INSRR: variants seen among roughly 807,000 people sequenced by gnomAD.
INSRR encodes insulin receptor related receptor.
Under a neutral mutation model 130.0 loss-of-function variants are expected in INSRR, and 114 were observed. The observed-to-expected ratio is 0.88, with a 90% CI of 0.75 to 1.02. The LOEUF (loss-of-function observed/expected upper bound fraction) is 1.02. Among genes scored for constraint, INSRR ranks in the 50% least tolerant of loss-of-function variants. INSRR has a pLI of 0.00. For synonymous variants in INSRR, 674 were observed against 705.2 expected (o/e 0.96, Z 0.70); for missense variants, 1,657 against 1,735.2 (o/e 0.95, Z 0.80).
rs545266717 is a variant in INSRR at position 156,844,971 on chromosome 1, A to G, written c.2437+105T>C. The G allele has an allele frequency of 8.4e-6, 13 of 1,539,678 alleles. No homozygotes were observed. The East Asian group carries it at 2.5e-4, about 30-fold the overall frequency. On this transcript the variant is annotated intron_variant, in intron 12 of 21. Coordinates refer to ENST00000368195, the MANE Select transcript of INSRR (RefSeq NM_014215.3). ...GGGATTATGGGAACTGAGAGGGGCA[A>G]GCAAAGCGAGGCTCTGGGGTTAGCG...
chr1:156,846,751 G>T lies in INSRR; in HGVS notation c.1578C>A (p.Phe526Leu). 6.2e-7 allele frequency: 1 copy of T among 1,613,348 alleles called. No individual in the cohort carries two copies. The highest frequency in any genetic ancestry group is 8.5e-7 in the Non-Finnish European group (1 of 1,179,454). ...GACCCACGTGCTCTGTGGCGTTCTG[G>T]AATGGGCTGAACACCCATCCCCAGA... ...SFIVYYKESP[F>L]QNATEHVGPD... Residue 526 changes from phenylalanine (F) to leucine (L), a missense_variant, in exon 8 of 22, where the codon TTC (phenylalanine) becomes TTA (leucine). Transcript: ENST00000368195.
intron 21 of INSRR, 56 bp from the exon 22 acceptor site, chr1:156,841,160 A>G: frequency 7.4e-7 from 1 of 1,350,286 alleles, no homozygotes; most frequent in Non-Finnish European, 1.0e-6. Flanking sequence ...CCACGCTCTC[A>G]GCCTCCTGCA....
chr1:156,844,304 G>C, intron 14 of INSRR, 24 bp from the exon 15 acceptor site: 1 of 1,595,860 alleles, frequency 6.3e-7, no homozygotes, highest in Non-Finnish European at 8.6e-7. Flanking sequence ...GGCAGCAGAG[G>C]GTAGAGTCAA....
chr1:156,846,819 C>T (rs1257338203), intron 7 of INSRR, 62 bp from the exon 8 acceptor site: 18 of 1,309,348 alleles, frequency 1.4e-5, no homozygotes, highest in Admixed American at 3.4e-5. Context: ...CTGGCACCCC[C>T]GCTCTGAATC....
rs1655243002 is a variant in INSRR at position 156,852,253 on chromosome 1, A to C, written c.638-62T>G. 3 of 1,475,188 alleles carry C rather than the reference A, an allele frequency of 2.0e-6. No individual in the cohort carries two copies. In the African/African-American group the frequency reaches 4.2e-5, roughly 21 times the overall value. 91.4% of individuals were successfully genotyped at this position (1,475,188 alleles called of 1,614,324 possible). A position where few individuals can be genotyped will look rare whatever the true frequency, so the allele number is the denominator to read the frequency against. On this transcript the variant is annotated intron_variant, in intron 2 of 21. Coordinates refer to ENST00000368195, the MANE Select transcript of INSRR (RefSeq NM_014215.3). ...CCCCTCAGTCCTGGCTGTCCTTCCA[A>C]TGCTGGCCCCACCCTGTTTCTCTTG... is the stretch of plus-strand genomic sequence containing the variant.
rs1260664154 is a variant in INSRR at position 156,851,279 on chromosome 1, C to T, written c.1229+11G>A. The T allele has an allele frequency of 6.2e-7, 1 of 1,614,116 alleles. No homozygotes were observed. Among genetic ancestry groups the T allele is most frequent in the South Asian group, 1.1e-5 (1 of 91,066 alleles). The stretch of plus-strand genomic sequence containing the variant: ...GTAATAGAAGGAGCTGGTCAGAGGC[C>T]TAACCCTTACCCATCCACCATGGCG... On this transcript the variant is annotated intron_variant, in intron 5 of 21. Coordinates refer to ENST00000368195, the MANE Select transcript of INSRR (RefSeq NM_014215.3).
intron 21 of INSRR, 102 bp downstream of exon 21, chr1:156,841,292 G>T: frequency 1.7e-6 from 2 of 1,183,720 alleles, no homozygotes; most frequent in South Asian, 1.3e-5. Context: ...GAGGGTCAGT[G>T]GATGTCAAAG....
rs757800663 is a variant in INSRR at position 156,843,248 on chromosome 1, A to AG, written c.2897-16dup. The AG allele has an allele frequency of 3.8e-5, 61 of 1,610,810 alleles. No individual in the cohort carries two copies. Among genetic ancestry groups the AG allele is most frequent in the Admixed American group, 1.7e-4 (10 of 60,006 alleles). ...AGGGACATACACTGCAAGGAGGTGG[A>AG]GGGTCACAAAGCGAGGATGCTGCTC... On this transcript the variant is annotated splice_polypyrimidine_tract_variant and intron_variant, in intron 16 of 21. Transcript: ENST00000368195.
rs1655011108 is a variant in INSRR at position 156,846,447 on chromosome 1, T to G, written c.1810+72A>C. The G allele has an allele frequency of 4.0e-6, 5 of 1,261,664 alleles. No individual in the cohort carries two copies. The South Asian group carries it at 6.3e-5, about 16-fold the overall frequency. 78.2% of individuals were successfully genotyped at this position (1,261,664 alleles called of 1,614,324 possible). ...TGTTCAGTGCCCCGGCTTCTCTATT[T>G]CTGGTGCCTGTGCTCCCCTGTTCTC... On this transcript the variant is annotated intron_variant, in intron 8 of 21. Coordinates refer to ENST00000368195, the MANE Select transcript of INSRR (RefSeq NM_014215.3).
rs1415249394 is a variant in INSRR at position 156,846,707 on chromosome 1, T to G, written c.1622A>C (p.Gln541Pro). 1.9e-6 allele frequency: 3 copies of G among 1,614,156 alleles called. No homozygotes were observed. Among genetic ancestry groups the G allele is most frequent in the Non-Finnish European group, 2.5e-6 (3 of 1,180,036 alleles). ...CTCCACATCCAGCAGGTTCCAGCTC[T>G]GGGTTCCACAAGCATCTGGACCCAC... ...EHVGPDACGTQSWNLLDVELP... is the reference protein window; with the variant it reads ...EHVGPDACGTPSWNLLDVELP... Residue 541 changes from glutamine (Q) to proline (P), a missense_variant, in exon 8 of 22, where the codon CAG becomes CCG. Transcript: ENST00000368195.
intron 1 of INSRR, among the ~76,000 whole-genome samples, chr1:156,857,163 ATGTGTGTGTGTGTGTGTGTGTGTGTG>A (rs57324546): frequency 0.079 from 10,258 of 130,670 alleles, 396 homozygotes; most frequent in Admixed American, 0.11. Flanking sequence ...GCAGCTGTGT[ATGTGTGTGTGTGTGTGTGTGTGTGTG>A]TGTGTGTGTG....
chr1:156,842,276 A>G lies in INSRR; in HGVS notation c.3238-5T>C, dbSNP rs545349562. 9 of 1,613,754 alleles carry G rather than the reference A, an allele frequency of 5.6e-6. No individual in the cohort carries two copies. The highest frequency in any genetic ancestry group is 1.6e-4 in the Middle Eastern group (1 of 6,062). On this transcript the variant is annotated splice_region_variant and splice_polypyrimidine_tract_variant and intron_variant, in intron 18 of 21. Transcript: ENST00000368195. ...CTGTGGGAGCCCAGGGTTGTTCTAGAGCCAAGATTGGGGGCTGGTGAGGAA... is the reference window on the plus strand; with the variant it reads ...CTGTGGGAGCCCAGGGTTGTTCTAGGGCCAAGATTGGGGGCTGGTGAGGAA...
intron 1 of INSRR, among the ~76,000 whole-genome samples, chr1:156,855,483 G>A (rs1321908509): frequency 6.6e-6 from 1 of 152,068 alleles, no homozygotes; most frequent in Non-Finnish European, 1.5e-5. Flanking sequence ...GGGATTACAG[G>A]CGTGAACCAC....
intron 4 of INSRR, 43 bp from the exon 5 acceptor site, chr1:156,851,477 G>A: frequency 1.2e-6 from 2 of 1,612,924 alleles, no homozygotes; most frequent in Non-Finnish European, 1.7e-6. Context: ...CAAGGAAGGT[G>A]ATGGGTCTGT....
chr1:156,848,399 A>C (rs1655084695), intron 7 of INSRR, among the ~76,000 whole-genome samples: 1 of 152,186 alleles, frequency 6.6e-6, no homozygotes, highest in African/African-American at 2.4e-5. Flanking sequence ...TTGATTCCTA[A>C]CCGTGTTTTT....
At chr1:156,843,607 G>T in intron 15 of INSRR, 128 bp from the exon 16 acceptor site, 1 of 972,576 alleles carries the variant, frequency 1.0e-6, no homozygotes, top group South Asian at 1.4e-5. Context: ...CTTGGTCAGG[G>T]TGACTCCTGG....
At position 156,843,202 on chromosome 1, in the gene INSRR, C is replaced by T. The variant is rs767792087; in HGVS notation, c.2928G>A (p.Arg976=). ...MYVPDEWEVP[R]EQISIIRELG... ...GTTCCCGGATTATCGAGATCTGCTC[C>T]CGAGGCACCTCCCATTCATCAGGGA... The change falls in exon 17 of 22, where the codon CGG becomes CGA. Residue 976 remains arginine (R), a synonymous_variant. Coordinates refer to ENST00000368195, the MANE Select transcript of INSRR (RefSeq NM_014215.3). 6.2e-7 allele frequency: 1 copy of T among 1,614,096 alleles called. No individual in the cohort carries two copies. Among genetic ancestry groups the T allele is most frequent in the South Asian group, 1.1e-5 (1 of 91,070 alleles).
chr1:156,845,776 C>A lies in INSRR; in HGVS notation c.2017G>T (p.Asp673Tyr), dbSNP rs548347934. 3.9e-4 allele frequency: 635 copies of A among 1,613,240 alleles called. 4 individuals are homozygous for A. In the South Asian group the frequency reaches 6.8e-3, roughly 17 times the overall value. The change falls in exon 10 of 22, where the codon GAC (aspartate) becomes TAC (tyrosine). Residue 673 changes from aspartate (D) to tyrosine (Y), a missense_variant. Coordinates refer to ENST00000368195, the MANE Select transcript of INSRR (RefSeq NM_014215.3). ...LPTSNNDPRF[D>Y]GEDGDPEAEM... is the part of the protein sequence containing the mutation. ...GCCTCAGGATCCCCGTCTTCGCCGT[C>A]GAAGCGCGGATCGTTGTTGCTGGTG...
chr1:156,849,262 G>T lies in INSRR; in HGVS notation c.1428C>A (p.Asn476Lys). 6.2e-7 allele frequency: 1 copy of T among 1,613,932 alleles called. No individual in the cohort carries two copies. The highest frequency in any genetic ancestry group is 8.5e-7 in the Non-Finnish European group (1 of 1,180,020). ...QNKAEINPRT[N>K]GDRAACQTRT... ...GGGTCTCACAGGCGGCGCGGTCTCC[G>T]TTGGTGCGGGGGTTGATCTCAGCCT... Residue 476 changes from asparagine to lysine, a missense_variant, in exon 6 of 22, where the codon AAC becomes AAA. Asn to Lys is a moderately conservative substitution (Grantham distance 94). Coordinates refer to ENST00000368195, the MANE Select transcript of INSRR (RefSeq NM_014215.3).
Sources: allele counts gnomAD v4.1 joint callset (sites outside exome capture counted in the v4.1 genomes callset), GRCh38; gene constraint gnomAD v4.1.1; transcripts MANE v1.5; gene names NCBI Gene and HGNC (gene_info 2026-07-23, HGNC 2026-07-21).